ZNF354B: variants seen among roughly 807,000 people sequenced by gnomAD.
ZNF354B encodes the protein zinc finger protein 354B.
A neutral mutation model predicts 12.9 loss-of-function variants in ZNF354B; 10 were observed. The ratio of observed to expected loss-of-function variants is 0.77; its 90% confidence interval spans 0.48 to 1.31. ZNF354B has a LOEUF of 1.31. Ranked by LOEUF, ZNF354B falls within the 40% of genes most tolerant of loss-of-function variation. The pLI is 0.00. For synonymous variants in ZNF354B, 260 were observed against 243.7 expected, an observed-to-expected ratio of 1.07 and a Z score of -0.62; for missense variants, 614 against 711.7, an observed-to-expected ratio of 0.86 and a Z score of 1.56.
chr5:178,864,514 A>G (rs1464152386), intron 2 of ZNF354B, among the ~76,000 whole-genome samples: 2 of 152,184 alleles, frequency 1.3e-5, no homozygotes, highest in African/African-American at 2.4e-5. Flanking sequence ...TGTACTCTAT[A>G]TATTTCATAT....
intron 4 of ZNF354B, among the ~76,000 whole-genome samples, chr5:178,874,206 C>T (rs983598454): frequency 6.6e-6 from 1 of 152,192 alleles, no homozygotes; most frequent in African/African-American, 2.4e-5. Context: ...ATCCACCTGC[C>T]TCGACCTTTC....
At chr5:178,861,787 CCT>C (rs1285014014) in intron 2 of ZNF354B, among the ~76,000 whole-genome samples, 1 of 152,160 alleles carries the variant, frequency 6.6e-6, no homozygotes, top group East Asian at 1.9e-4. Flanking sequence ...TAACCCATCT[CCT>C]CTGTTGCTGT....
At chr5:178,878,724 T>C (rs1253853164) in intron 4 of ZNF354B, among the ~76,000 whole-genome samples, 1 of 152,166 alleles carries the variant, frequency 6.6e-6, no homozygotes, top group Non-Finnish European at 1.5e-5. Flanking sequence ...TTTTTTGAGA[T>C]GGAGTTTTGC....
chr5:178,866,208 T>G, intron 2 of ZNF354B, 36 bp from the exon 3 acceptor site: 1 of 1,610,960 alleles, frequency 6.2e-7, no homozygotes, highest in East Asian at 2.2e-5. Flanking sequence ...TCTGTGAGGG[T>G]GGTCCTGGGT....
At position 178,883,631 on chromosome 5, in the gene ZNF354B, G is replaced by T; in HGVS notation, c.1179G>T (p.Gln393His). The T allele has an allele frequency of 6.2e-7, 1 of 1,613,658 alleles. No individual in the cohort carries two copies. The part of the protein sequence containing the change: ...KCSECGRAFS[Q>H]SASLIQHERI... ...GTGAATGTGGGAGAGCCTTCAGCCA[G>T]AGTGCCTCTCTTATTCAACATGAAA... Residue 393 changes from glutamine (Q) to histidine (H), a missense_variant, in exon 5 of 5, where the codon CAG becomes CAT. Gln to His is a conservative substitution (Grantham distance 24). Coordinates refer to ENST00000322434, the MANE Select transcript of ZNF354B (RefSeq NM_058230.3).
In ZNF354B at chr5:178,883,863, T is replaced by C; in HGVS notation, c.1411T>C (p.Cys471Arg). The part of the protein sequence containing the change: ...TGEKPCKCKV[C>R]GKAFRQSSAL... ...AGAAAAACCATGTAAATGTAAAGTA[T>C]GTGGAAAAGCCTTCAGACAGAGTTC... is the stretch of plus-strand genomic sequence containing the variant. Residue 471 changes from cysteine to arginine, a missense_variant, in exon 5 of 5, where the codon TGT (cysteine) becomes CGT (arginine). Coordinates refer to ENST00000322434, the MANE Select transcript of ZNF354B (RefSeq NM_058230.3). 2 of 1,614,128 alleles carry C rather than the reference T, an allele frequency of 1.2e-6. No individual in the cohort carries two copies. The highest frequency in any genetic ancestry group is 1.3e-5 in the African/African-American group (1 of 75,058).
intron 4 of ZNF354B, among the ~76,000 whole-genome samples, chr5:178,880,528 G>A (rs931663774): frequency 3.3e-5 from 5 of 149,314 alleles, no homozygotes; most frequent in African/African-American, 1.2e-4. Flanking sequence ...TAAAGACAGG[G>A]TCTCTTTGTC....
chr5:178,865,705 T>C (rs996486274), intron 2 of ZNF354B, among the ~76,000 whole-genome samples: 3 of 152,250 alleles, frequency 2.0e-5, no homozygotes, highest in African/African-American at 7.2e-5. Context: ...GCTCTAAATA[T>C]AGTGTCTGGC....
chr5:178,863,433 A>G (rs1371064472), intron 2 of ZNF354B, among the ~76,000 whole-genome samples: 1 of 152,166 alleles, frequency 6.6e-6, no homozygotes. Context: ...ATGACTAAGT[A>G]GCTATTGTAA....
In ZNF354B at chr5:178,883,269, A is replaced by G. The variant is rs778909243; in HGVS notation, c.817A>G (p.Lys273Glu). 1 of 1,613,130 alleles carries G rather than the reference A, an allele frequency of 6.2e-7. No homozygotes were observed. Among genetic ancestry groups the G allele is most frequent in the Non-Finnish European group, 8.5e-7 (1 of 1,179,806 alleles). The change falls in exon 5 of 5, where the codon AAA (lysine) becomes GAA (glutamate). Residue 273 changes from lysine to glutamate, a missense_variant. By Grantham distance (56) the Lys-to-Glu change is moderately conservative. Transcript: ENST00000322434. Reference protein sequence around the residue: ...THTGEKPYICKECGKAFSHSA... With the variant: ...THTGEKPYICEECGKAFSHSA... ...TACAGGAGAGAAACCCTATATATGT[A>G]AAGAATGTGGGAAAGCCTTCAGCCA...
intron 2 of ZNF354B, among the ~76,000 whole-genome samples, chr5:178,864,627 T>A (rs925717597): frequency 1.2e-4 from 18 of 151,376 alleles, no homozygotes; most frequent in African/African-American, 1.9e-4. Flanking sequence ...TGTAGAAATT[T>A]TTTTTTTTTT....
intron 4 of ZNF354B, among the ~76,000 whole-genome samples, chr5:178,869,882 C>A (rs1757535556): frequency 6.6e-6 from 1 of 152,170 alleles, no homozygotes; most frequent in Admixed American, 6.5e-5. Flanking sequence ...CCTGGTGGGG[C>A]TCCTGTCTGC....
chr5:178,879,792 C>T (rs1025824038), intron 4 of ZNF354B, among the ~76,000 whole-genome samples: 2 of 152,198 alleles, frequency 1.3e-5, no homozygotes, highest in Admixed American at 6.5e-5. Context: ...AAGAAAACTT[C>T]ATTTTTAGTT....
At chr5:178,873,296 T>G (rs1757589910) in intron 4 of ZNF354B, among the ~76,000 whole-genome samples, 1 of 152,232 alleles carries the variant, frequency 6.6e-6, no homozygotes, top group Non-Finnish European at 1.5e-5. Flanking sequence ...TTTTTAATTT[T>G]ACTGAGGTCC....
rs748576704 is a variant in ZNF354B at position 178,867,099 on chromosome 5, A to C, written c.256+28A>C. On this transcript the variant is annotated intron_variant, in intron 4 of 4. Coordinates refer to ENST00000322434, the MANE Select transcript of ZNF354B (RefSeq NM_058230.3). ...AAGTGGGTGGCCCGAGGTGCTCGGG[A>C]ATGGCCGCAGACAATGGTCTGGTTA... is the stretch of plus-strand genomic sequence containing the variant. 10 of 1,587,474 alleles carry C rather than the reference A, an allele frequency of 6.3e-6. No individual in the cohort carries two copies. In the South Asian group the frequency reaches 1.1e-4, roughly 18 times the overall value.
At chr5:178,871,467 G>A (rs76641618) in intron 4 of ZNF354B, among the ~76,000 whole-genome samples, 15,539 of 152,196 alleles carry the variant, frequency 0.1, 843 homozygotes, top group Non-Finnish European at 0.12. Context: ...TCTCCTCACC[G>A]TGCTTTATTT....
chr5:178,880,831 ATTTTTTTTT>A (rs56013359), intron 4 of ZNF354B, among the ~76,000 whole-genome samples: 4 of 76,138 alleles, frequency 5.3e-5, no homozygotes, highest in African/African-American at 6.1e-5. Context: ...ACTCATGGTC[ATTTTTTTTT>A]TTTTTTTTTT....
At chr5:178,879,594 G>A (rs1345001321) in intron 4 of ZNF354B, among the ~76,000 whole-genome samples, 1 of 151,718 alleles carries the variant, frequency 6.6e-6, no homozygotes, top group African/African-American at 2.4e-5. Context: ...GATCAGGATG[G>A]TCTTGAACTC....
Position 178,883,471 on chromosome 5 carries a change from C to G in ZNF354B, c.1019C>G (p.Ser340Cys). 2 of 1,614,078 alleles carry G rather than the reference C, an allele frequency of 1.2e-6. No individual in the cohort carries two copies. The highest frequency in any genetic ancestry group is 1.7e-6 in the Non-Finnish European group (2 of 1,179,964). ...AGGAAGGCATCCAGTTACAGCACTT[C>G]CCTTTCTGGAAGTCAGAAAATTCAT... ...PGRKASSYST[S>C]LSGSQKIHLR... The change falls in exon 5 of 5, where the codon TCC becomes TGC. Residue 340 changes from serine (S) to cysteine (C), a missense_variant. Transcript: ENST00000322434.
Sources: allele counts gnomAD v4.1 joint callset (sites outside exome capture counted in the v4.1 genomes callset), GRCh38; gene constraint gnomAD v4.1.1; transcripts MANE v1.5; gene names NCBI Gene and HGNC (gene_info 2026-07-23, HGNC 2026-07-21).